C12orf42: variants seen among roughly 807,000 people sequenced by gnomAD.
C12orf42 encodes uncharacterized protein C12orf42.
In C12orf42, 25 loss-of-function variants were observed where a neutral mutation model predicts 21.6. The ratio of observed to expected loss-of-function variants is 1.16; its 90% CI spans 0.84 to 1.62. The LOEUF (loss-of-function observed/expected upper bound fraction) is 1.62. C12orf42 is among the 40% of genes most tolerant of loss of function. C12orf42 has a pLI of 0.00. For synonymous variants in C12orf42, 174 were observed against 175.0 expected (o/e 0.99, Z 0.05); for missense variants, 483 against 459.3 (o/e 1.05, Z -0.47).
the C12orf42 span, among the ~76,000 whole-genome samples, chr12:103,232,301 T>A: frequency 9.2e-5 from 14 of 152,212 alleles, no homozygotes; most frequent in Non-Finnish European, 1.9e-4. Context: ...AGAATTTTTT[T>A]ATATTAATCA....
the C12orf42 span, among the ~76,000 whole-genome samples, chr12:103,124,911 A>C: frequency 4.3e-3 from 660 of 152,300 alleles, 1 homozygote; most frequent in Non-Finnish European, 4.9e-3. Context: ...AAGAGTATGC[A>C]GTTGATCCTT....
At chr12:103,168,925 C>A in the C12orf42 span, among the ~76,000 whole-genome samples, 1 of 152,018 alleles carries the variant, frequency 6.6e-6, no homozygotes, top group Non-Finnish European at 1.5e-5. Flanking sequence ...AAACCAAATG[C>A]CACATGTTCT....
chr12:103,434,295 C>T (rs1950489534), intron 2 of C12orf42, among the ~76,000 whole-genome samples: 1 of 152,158 alleles, frequency 6.6e-6, no homozygotes, highest in African/African-American at 2.4e-5. Flanking sequence ...AGTGGCTAGC[C>T]CTGGGTCACA....
At chr12:103,184,163 C>A in the C12orf42 span, among the ~76,000 whole-genome samples, 1 of 152,176 alleles carries the variant, frequency 6.6e-6, no homozygotes, top group Non-Finnish European at 1.5e-5. Flanking sequence ...ACATCCTCAA[C>A]TATAATTCAG....
At chr12:103,373,234 C>T (rs891293568) in intron 3 of C12orf42, among the ~76,000 whole-genome samples, 5 of 152,212 alleles carry the variant, frequency 3.3e-5, no homozygotes, top group Non-Finnish European at 5.9e-5. Context: ...GCGCACCTCA[C>T]GCCACAGGCC....
upstream of C12orf42, among the ~76,000 whole-genome samples, chr12:103,496,814 A>G (rs1194189328): frequency 3.0e-4 from 7 of 23,502 alleles, no homozygotes; most frequent in East Asian, 2.3e-3. Context: ...TCTAGCCGGG[A>G]AAAAAAAAAA....
At chr12:103,480,065 C>G (rs1259544795) in intron 1 of C12orf42, among the ~76,000 whole-genome samples, 1 of 151,824 alleles carries the variant, frequency 6.6e-6, no homozygotes, top group Non-Finnish European at 1.5e-5. Flanking sequence ...TCTCCTTATT[C>G]TGATGTTATC....
chr12:103,274,716 A>G (rs1469086070), intron 5 of C12orf42, among the ~76,000 whole-genome samples: 2 of 152,224 alleles, frequency 1.3e-5, no homozygotes, highest in Non-Finnish European at 2.9e-5. Context: ...TTTACTGAAT[A>G]AATGAATCCT....
At chr12:103,167,999 T>C in the C12orf42 span, 1 of 439,232 alleles carries the variant, frequency 2.3e-6, no homozygotes, top group Non-Finnish European at 4.5e-6. Context: ...TCCATGTTTT[T>C]AATTGTGTCT....
At chr12:103,468,571 T>A (rs1027690913) in intron 2 of C12orf42, among the ~76,000 whole-genome samples, 1 of 152,224 alleles carries the variant, frequency 6.6e-6, no homozygotes, top group Non-Finnish European at 1.5e-5. Flanking sequence ...AGATATCTTT[T>A]ACTCTGGACT....
intron 5 of C12orf42, among the ~76,000 whole-genome samples, chr12:103,302,954 G>A (rs574563041): frequency 2.6e-5 from 4 of 152,176 alleles, no homozygotes; most frequent in Non-Finnish European, 4.4e-5. Flanking sequence ...TTGTCAAGCG[G>A]AGTTATTAAT....
intron 2 of C12orf42, among the ~76,000 whole-genome samples, chr12:103,474,301 A>C (rs1022549485): frequency 6.6e-6 from 1 of 152,160 alleles, no homozygotes; most frequent in African/African-American, 2.4e-5. Flanking sequence ...AGTAGAATTA[A>C]AATTACCAAA....
chr12:103,497,467 G>T (rs1955592213), upstream of C12orf42, among the ~76,000 whole-genome samples: 1 of 152,108 alleles, frequency 6.6e-6, no homozygotes, highest in Non-Finnish European at 1.5e-5. Flanking sequence ...TAAGTGACTG[G>T]CCCAAGACTG....
chr12:103,172,313 G>A, the C12orf42 span, among the ~76,000 whole-genome samples: 4 of 152,212 alleles, frequency 2.6e-5, no homozygotes, highest in South Asian at 6.2e-4. Flanking sequence ...TCATGAGTAC[G>A]TGGTGAAGTA....
At chr12:103,494,948 C>T (rs977482696) in intron 1 of C12orf42, among the ~76,000 whole-genome samples, 1 of 151,414 alleles carries the variant, frequency 6.6e-6, no homozygotes, top group Admixed American at 6.6e-5. Context: ...AAAGGAAGAC[C>T]AAAAGAAGCT....
upstream of C12orf42, among the ~76,000 whole-genome samples, chr12:103,499,998 C>T (rs1271885868): frequency 6.6e-6 from 1 of 152,186 alleles, no homozygotes; most frequent in Non-Finnish European, 1.5e-5. Context: ...TATACAAGGT[C>T]TTCCTGCATC....
At chr12:103,090,463 C>T in the C12orf42 span, among the ~76,000 whole-genome samples, 1 of 152,172 alleles carries the variant, frequency 6.6e-6, no homozygotes, top group Non-Finnish European at 1.5e-5. Context: ...TGTTTAATCA[C>T]TCAGAGTGTC....
At chr12:103,348,252 G>A (rs145276173) in intron 4 of C12orf42, among the ~76,000 whole-genome samples, 39 of 152,274 alleles carry the variant, frequency 2.6e-4, no homozygotes, top group Admixed American at 1.8e-3. Flanking sequence ...GAAGCATTAA[G>A]TCAGTGAGAA....
At chr12:103,534,428 GTAC>G in the C12orf42 span, among the ~76,000 whole-genome samples, 1 of 152,092 alleles carries the variant, frequency 6.6e-6, no homozygotes, top group African/African-American at 2.4e-5. Context: ...GGAATCCCCA[GTAC>G]TACTTTCTGG....
Sources: allele counts gnomAD v4.1 joint callset (sites outside exome capture counted in the v4.1 genomes callset), GRCh38; gene constraint gnomAD v4.1.1; transcripts MANE v1.5; gene names NCBI Gene and HGNC (gene_info 2026-07-23, HGNC 2026-07-21).